KLHL12: variants seen among roughly 807,000 people sequenced by gnomAD.
KLHL12 encodes the protein kelch-like protein 12.
In KLHL12, 17 loss-of-function variants were observed where a neutral mutation model predicts 60.8. The ratio of observed to expected loss-of-function variants is 0.28; its 90% CI spans 0.19 to 0.42. KLHL12 has a LOEUF of 0.42. KLHL12 is among the 10% of genes least tolerant of loss of function. The pLI is 1.00. For missense variants in KLHL12, 468 were observed against 722.3 expected, an observed-to-expected ratio of 0.65 and a Z score of 4.04; for synonymous variants, 220 against 250.9, an observed-to-expected ratio of 0.88 and a Z score of 1.16.
rs1659842301 is a variant in KLHL12 at position 202,896,601 on chromosome 1, T to C, written c.939+253A>G. 2.0e-5 allele frequency among the ~76,000 whole-genome samples: 3 copies of C among 152,228 alleles called. No individual in the cohort carries two copies. In the South Asian group the frequency reaches 6.2e-4, roughly 31 times the overall value. On this transcript the variant is annotated intron_variant, in intron 7 of 11. Transcript: ENST00000367261. ...TGTGCTAGGAATTATACAGACAGCT[T>C]AGAAAGGCACCTAACTAGTGGTGGC...
At chr1:202,911,019 A>G (rs763957361) in intron 5 of KLHL12, 35 bp downstream of exon 5, 9 of 1,609,424 alleles carry the variant, frequency 5.6e-6, no homozygotes, top group Non-Finnish European at 6.8e-6. Context: ...AGAGTCCGTC[A>G]AGGTTTTGGA....
At chr1:202,914,268 A>G (rs542770974) in intron 4 of KLHL12, among the ~76,000 whole-genome samples, 35 of 152,256 alleles carry the variant, frequency 2.3e-4, no homozygotes, top group Non-Finnish European at 4.6e-4. Context: ...GAGCTAGAAG[A>G]GGTTAGATGC....
intron 4 of KLHL12, among the ~76,000 whole-genome samples, chr1:202,914,400 G>T (rs1272396900): frequency 2.0e-5 from 3 of 152,214 alleles, no homozygotes; most frequent in African/African-American, 7.2e-5. Flanking sequence ...ATAAGATGCA[G>T]GGGAGGGTAT....
intron 8 of KLHL12, 130 bp from the exon 9 acceptor site, chr1:202,894,879 T>A: frequency 1.4e-6 from 1 of 718,784 alleles, no homozygotes; most frequent in Non-Finnish European, 2.3e-6. Flanking sequence ...ATGAGATAAG[T>A]CAATTAAGTT....
intron 1 of KLHL12, among the ~76,000 whole-genome samples, chr1:202,925,939 T>C (rs563353806): frequency 1.3e-4 from 20 of 151,940 alleles, no homozygotes; most frequent in Admixed American, 2.6e-4. Context: ...ACCTAGTCTC[T>C]ACTAAAAATA....
At chr1:202,915,100 A>T (rs557764307) in intron 4 of KLHL12, 32 of 152,320 alleles carry the variant, frequency 2.1e-4, no homozygotes, top group African/African-American at 7.2e-4. Flanking sequence ...TTTTCTCCAC[A>T]ATACATTTTC....
chr1:202,908,977 G>T, intron 6 of KLHL12, 33 bp downstream of exon 6: 1 of 1,335,648 alleles, frequency 7.5e-7, no homozygotes, highest in Non-Finnish European at 1.1e-6. Context: ...TAGTTGAAAA[G>T]CATCCCCTCA....
chr1:202,901,721 T>C (rs1660012934), intron 6 of KLHL12, among the ~76,000 whole-genome samples: 1 of 152,170 alleles, frequency 6.6e-6, no homozygotes, highest in African/African-American at 2.4e-5. Flanking sequence ...TGACAGACTG[T>C]CTACCAAAGT....
At chr1:202,928,405 C>G (rs997824655), upstream of KLHL12, 4 of 861,612 alleles carry the variant, frequency 4.6e-6, no homozygotes, top group Admixed American at 7.1e-5. Flanking sequence ...CTCCCTACCG[C>G]TCACTAGGCA....
At chr1:202,919,505 A>AT (rs965867634) in intron 3 of KLHL12, among the ~76,000 whole-genome samples, 23 of 148,990 alleles carry the variant, frequency 1.5e-4, no homozygotes, top group African/African-American at 4.9e-4. Context: ...TCCTTCCTCC[A>AT]TTTTTTTTTT....
chr1:202,918,436 T>C (rs746767687), intron 3 of KLHL12, 48 bp from the exon 4 acceptor site: 1 of 1,384,730 alleles, frequency 7.2e-7, no homozygotes. Context: ...TGGACAGGTG[T>C]GATCTAGGAT....
At position 202,909,601 on chromosome 1, in the gene KLHL12, C is replaced by CT. The variant is rs1276373533; in HGVS notation, c.718-478dup. 6.6e-6 allele frequency among the ~76,000 whole-genome samples: 1 copy of CT among 152,172 alleles called. No homozygotes were observed. The highest frequency in any genetic ancestry group is 1.5e-5 in the Non-Finnish European group (1 of 68,032). On this transcript the variant is annotated intron_variant, in intron 5 of 11. Transcript: ENST00000367261. The surrounding 1 kb of genome is among the most constrained non-coding windows in gnomAD (Gnocchi z 4.1). Reference sequence around the variant, plus strand: ...TTACCATTGTCTATTTCTGACAGCTCTGTACTGGACATCTTTCATTTGCCT... The same window carrying CT: ...TTACCATTGTCTATTTCTGACAGCTCTTGTACTGGACATCTTTCATTTGCCT...
intron 6 of KLHL12, among the ~76,000 whole-genome samples, chr1:202,897,892 C>T (rs2102411370): frequency 6.6e-6 from 1 of 151,816 alleles, no homozygotes; most frequent in South Asian, 2.1e-4. Flanking sequence ...TCCATGAACA[C>T]TTCCTTCTCC....
rs1362207518 is a variant in KLHL12 at position 202,911,084 on chromosome 1, G to A, written c.687C>T (p.Pro229=). 1.2e-6 allele frequency: 2 copies of A among 1,613,912 alleles called. No homozygotes were observed. Among genetic ancestry groups the A allele is most frequent in the Non-Finnish European group, 1.7e-6 (2 of 1,179,978 alleles). The change falls in exon 5 of 12, where the codon CCC becomes CCT. Residue 229 remains proline, a synonymous_variant. Coordinates refer to ENST00000367261, the MANE Select transcript of KLHL12 (RefSeq NM_021633.4). ...LQYVRMPLLT[P]RYITDVIDAE... Reference sequence around the variant, plus strand: ...CATCTATTACATCTGTGATATACCTGGGGGTTAGTAGGGGCATCCGCACAT... The same window carrying A: ...CATCTATTACATCTGTGATATACCTAGGGGTTAGTAGGGGCATCCGCACAT...
At chr1:202,912,194 G>T (rs970797975) in intron 4 of KLHL12, 2 of 969,014 alleles carry the variant, frequency 2.1e-6, no homozygotes, top group African/African-American at 3.2e-5. Flanking sequence ...AATTTGAACA[G>T]TTTGGAAAAA....
chr1:202,912,126 G>C, intron 4 of KLHL12: 1 of 847,132 alleles, frequency 1.2e-6, no homozygotes, highest in South Asian at 1.3e-5. Context: ...ACTTAACTGT[G>C]AAAAAGATAT....
At chr1:202,924,279 C>T (rs895275313) in intron 2 of KLHL12, among the ~76,000 whole-genome samples, 1 of 152,202 alleles carries the variant, frequency 6.6e-6, no homozygotes, top group African/African-American at 2.4e-5. Context: ...AGGTTATACA[C>T]TCAACGCCTG....
chr1:202,891,237 G>A lies in KLHL12; in HGVS notation c.*1296C>T, dbSNP rs1292673938. ...GAATTTCAGAGCAAAGGTTGTTTAG[G>A]TTATCACATTCCCACACTCCTAATA... is the stretch of plus-strand genomic sequence containing the variant. On this transcript the variant is annotated 3_prime_UTR_variant, in exon 12 of 12. Transcript: ENST00000367261. 3 of 152,696 alleles carry A rather than the reference G, an allele frequency of 2.0e-5. No individual in the cohort carries two copies. Among genetic ancestry groups the A allele is most frequent in the Non-Finnish European group, 4.4e-5 (3 of 68,020 alleles). 9.5% of individuals were successfully genotyped at this position (152,696 alleles called of 1,614,324 possible).
rs376123224 is a variant in KLHL12, at chr1:202,918,273, C to T, written c.465G>A (p.Glu155=). ...CAGGAAAATGCTTCTGGCTAAAAACCTCAGCTGCTTGCATCAGGTCAACAC... is the reference window on the plus strand; with the variant it reads ...CAGGAAAATGCTTCTGGCTAAAAACTTCAGCTGCTTGCATCAGGTCAACAC... The part of the protein sequence containing the change: ...HNCVDLMQAA[E]VFSQKHFPEV... Residue 155 remains glutamate, a synonymous_variant, in exon 4 of 12, where the codon GAG becomes GAA. Coordinates refer to ENST00000367261, the MANE Select transcript of KLHL12 (RefSeq NM_021633.4). The T allele has an allele frequency of 1.2e-6, 2 of 1,614,194 alleles. No homozygotes were observed. The highest frequency in any genetic ancestry group is 1.1e-5 in the South Asian group (1 of 91,086).
Sources: allele counts gnomAD v4.1 joint callset (sites outside exome capture counted in the v4.1 genomes callset), GRCh38; gene constraint gnomAD v4.1.1; non-coding constraint Gnocchi (gnomAD v3.1); transcripts MANE v1.5; gene names NCBI Gene and HGNC (gene_info 2026-07-23, HGNC 2026-07-21).